MALRD1: variants seen among roughly 807,000 people sequenced by gnomAD.
The protein encoded by MALRD1 is MAM and LDL-receptor class A domain-containing protein 1.
In MALRD1, 247 loss-of-function variants were observed where a neutral mutation model predicts 242.1. That is an observed-to-expected ratio of 1.02 (90% CI 0.92 to 1.13). The LOEUF (loss-of-function observed/expected upper bound fraction) is 1.13, where lower values mean the gene tolerates loss of function less well. Ranked by LOEUF, MALRD1 falls within the 50% of genes most tolerant of loss-of-function variation. MALRD1 has a pLI of 0.00. For synonymous variants in MALRD1, 995 were observed against 866.6 expected, an observed-to-expected ratio of 1.15 and a Z score of -2.60; for missense variants, 2,989 against 2,533.1, an observed-to-expected ratio of 1.18 and a Z score of -3.86.
intron 38 of MALRD1, among the ~76,000 whole-genome samples, chr10:19,703,780 A>G (rs1360861038): frequency 6.6e-6 from 1 of 152,172 alleles, no homozygotes; most frequent in Non-Finnish European, 1.5e-5. Flanking sequence ...CTGTAATCCC[A>G]GCTACTCAGA....
intron 12 of MALRD1, 43 bp downstream of exon 12, chr10:19,155,215 T>A: frequency 9.1e-7 from 1 of 1,103,906 alleles, no homozygotes; most frequent in Non-Finnish European, 1.1e-6. Context: ...TCTGCGGTTG[T>A]AAATCGCTGA....
intron 33 of MALRD1, among the ~76,000 whole-genome samples, chr10:19,587,871 A>G (rs1325185821): frequency 1.3e-5 from 2 of 151,134 alleles, no homozygotes; most frequent in Non-Finnish European, 2.9e-5. Flanking sequence ...AGGAATGTCA[A>G]AGTTCCGAAA....
At chr10:19,187,102 A>T (rs1481219505) in intron 14 of MALRD1, among the ~76,000 whole-genome samples, 1 of 152,224 alleles carries the variant, frequency 6.6e-6, no homozygotes, top group Admixed American at 6.5e-5. Flanking sequence ...AAATACTCAC[A>T]TGCTTACTTT....
chr10:19,593,074 CTATT>C (rs1343404488), intron 33 of MALRD1, among the ~76,000 whole-genome samples: 2 of 150,824 alleles, frequency 1.3e-5, no homozygotes, highest in Non-Finnish European at 2.9e-5. Flanking sequence ...TACAGAGAAA[CTATT>C]TATTTGACCA....
At chr10:19,571,342 C>G (rs1333406180) in intron 33 of MALRD1, among the ~76,000 whole-genome samples, 2 of 151,178 alleles carry the variant, frequency 1.3e-5, no homozygotes, top group African/African-American at 2.4e-5. Context: ...TAGCAGCCAA[C>G]GAAGTCAGAC....
intron 21 of MALRD1, among the ~76,000 whole-genome samples, chr10:19,296,442 A>G (rs775658472): frequency 3.3e-5 from 5 of 152,052 alleles, no homozygotes; most frequent in African/African-American, 4.8e-5. Flanking sequence ...TGATTTTTCC[A>G]GTTTGGAAAA....
chr10:19,469,023 T>C (rs1425859683), intron 29 of MALRD1, among the ~76,000 whole-genome samples: 3 of 152,120 alleles, frequency 2.0e-5, no homozygotes, highest in Admixed American at 6.6e-5. Context: ...TAAAAATCTT[T>C]TGAGGAACAT....
At chr10:19,332,064 C>T (rs1424008648) in intron 24 of MALRD1, among the ~76,000 whole-genome samples, 2 of 152,050 alleles carry the variant, frequency 1.3e-5, no homozygotes, top group South Asian at 2.1e-4. Context: ...TGGGGTTTCA[C>T]CATGTTGGCC....
intron 18 of MALRD1, among the ~76,000 whole-genome samples, chr10:19,242,340 A>G (rs1231580186): frequency 6.6e-6 from 1 of 152,084 alleles, no homozygotes; most frequent in Non-Finnish European, 1.5e-5. Flanking sequence ...CTCCCACAAC[A>G]TGTATGAATT....
At chr10:19,348,090 C>T (rs936140797) in intron 25 of MALRD1, 72 bp downstream of exon 25, 41 of 1,478,692 alleles carry the variant, frequency 2.8e-5, no homozygotes, top group African/African-American at 5.7e-5. Flanking sequence ...AATTGACATA[C>T]GGAAAACAGA....
At chr10:19,422,806 A>G (rs899735610) in intron 28 of MALRD1, among the ~76,000 whole-genome samples, 6 of 152,182 alleles carry the variant, frequency 3.9e-5, no homozygotes, top group East Asian at 1.9e-4. Flanking sequence ...GGAAATTTCA[A>G]TGACAAAAAG....
At chr10:19,391,239 TACAC>T (rs972332237) in intron 28 of MALRD1, among the ~76,000 whole-genome samples, 9 of 151,934 alleles carry the variant, frequency 5.9e-5, no homozygotes, top group Admixed American at 1.3e-4. Flanking sequence ...CACACAAACA[TACAC>T]ACACACACAC....
chr10:19,248,716 G>A (rs565689402), intron 18 of MALRD1, among the ~76,000 whole-genome samples: 269 of 151,498 alleles, frequency 1.8e-3, no homozygotes, highest in South Asian at 7.9e-3. Context: ...CTTTCTATGG[G>A]CCTATGGATG....
rs964867781 is a variant in MALRD1 at position 19,207,933 on chromosome 10, C to T, written c.2579-1335C>T. On this transcript the variant is annotated intron_variant, in intron 17 of 39. Coordinates refer to ENST00000454679, the MANE Select transcript of MALRD1 (RefSeq NM_001142308.3). ...CCATTATTAAGTAAAATAAGGGTGACACTTAAACACAGGCACTGTGATCCT... is the reference window on the plus strand; with the variant it reads ...CCATTATTAAGTAAAATAAGGGTGATACTTAAACACAGGCACTGTGATCCT... Among the ~76,000 whole-genome samples, 3 of 152,154 alleles carry T rather than the reference C, an allele frequency of 2.0e-5. 1 individual carries two copies. Among genetic ancestry groups the T allele is most frequent in the Admixed American group, 2.0e-4 (3 of 15,262 alleles).
At chr10:19,141,261 T>A (rs530562457) in intron 10 of MALRD1, among the ~76,000 whole-genome samples, 3 of 152,178 alleles carry the variant, frequency 2.0e-5, no homozygotes, top group Non-Finnish European at 4.4e-5. Context: ...TTGAAGACGT[T>A]AAGTGAAATA....
chr10:19,609,034 T>C (rs1193818388), intron 35 of MALRD1, among the ~76,000 whole-genome samples: 1 of 152,106 alleles, frequency 6.6e-6, no homozygotes, highest in Non-Finnish European at 1.5e-5. Context: ...GACAAGATTA[T>C]CTTCAGCATG....
intron 14 of MALRD1, among the ~76,000 whole-genome samples, chr10:19,200,740 T>A (rs1836498552): frequency 6.8e-6 from 1 of 146,710 alleles, no homozygotes; most frequent in African/African-American, 2.5e-5. Flanking sequence ...GATGGACCTG[T>A]GAGCCAACCC....
At chr10:19,162,812 G>A (rs934888317) in intron 12 of MALRD1, among the ~76,000 whole-genome samples, 2 of 151,950 alleles carry the variant, frequency 1.3e-5, no homozygotes, top group Admixed American at 6.6e-5. Context: ...CCATTACTTG[G>A]TACATATACC....
intron 38 of MALRD1, chr10:19,716,935 C>G (rs1834419473): frequency 6.6e-6 from 1 of 152,138 alleles, no homozygotes; most frequent in Non-Finnish European, 1.5e-5. Flanking sequence ...AAAAGAAACC[C>G]CTCATCAATC....
Sources: allele counts gnomAD v4.1 joint callset (sites outside exome capture counted in the v4.1 genomes callset), GRCh38; gene constraint gnomAD v4.1.1; transcripts MANE v1.5; gene names NCBI Gene and HGNC (gene_info 2026-07-23, HGNC 2026-07-21).